The following ERC2 variants were observed in gnomAD, a reference collection of about 807,000 sequenced individuals.
ERC2 encodes the protein ELKS/RAB6-interacting/CAST family member 2.
Under a neutral mutation model 114.8 loss-of-function variants are expected in ERC2, and 42 were observed. The ratio of observed to expected loss-of-function variants is 0.37; its 90% CI spans 0.29 to 0.47. The LOEUF is 0.47. Ranked by LOEUF, ERC2 falls within the 20% of genes least tolerant of loss-of-function variation. The pLI is 0.99. For synonymous variants in ERC2, 454 were observed against 425.5 expected (o/e 1.07, Z -0.82); for missense variants, 939 against 1,150.7 (o/e 0.82, Z 2.66).
At chr3:55,821,119 C>A (rs564885732) in intron 14 of ERC2, among the ~76,000 whole-genome samples, 2 of 152,168 alleles carry the variant, frequency 1.3e-5, no homozygotes, top group Admixed American at 6.5e-5. Context: ...AAAATGAATC[C>A]TTTTATGAGG....
chr3:55,709,278 G>C (rs2063649601), intron 15 of ERC2, among the ~76,000 whole-genome samples: 1 of 152,178 alleles, frequency 6.6e-6, no homozygotes, highest in Non-Finnish European at 1.5e-5. Flanking sequence ...GCTATGAAGA[G>C]AGGGGTTCAC....
At chr3:56,190,533 C>G (rs1473968070) in intron 3 of ERC2, among the ~76,000 whole-genome samples, 1 of 152,174 alleles carries the variant, frequency 6.6e-6, no homozygotes, top group African/African-American at 2.4e-5. Flanking sequence ...TCCCTGAGCT[C>G]AAGCGATCCC....
At chr3:56,185,998 G>A (rs2083577174) in intron 3 of ERC2, among the ~76,000 whole-genome samples, 1 of 151,934 alleles carries the variant, frequency 6.6e-6, no homozygotes, top group Admixed American at 6.6e-5. Flanking sequence ...TAAGGGCTCA[G>A]GGTGGCCCCC....
At chr3:56,363,439 T>C (rs1364620479) in intron 2 of ERC2, among the ~76,000 whole-genome samples, 1 of 152,150 alleles carries the variant, frequency 6.6e-6, no homozygotes, top group Non-Finnish European at 1.5e-5. Flanking sequence ...TTATCCAAAG[T>C]AGCTCGAAAT....
chr3:55,553,547 G>A (rs969227900), intron 17 of ERC2, among the ~76,000 whole-genome samples: 9 of 152,092 alleles, frequency 5.9e-5, no homozygotes, highest in South Asian at 2.1e-4. Context: ...TTGGGAGGCC[G>A]AGGCGGGCAG....
intron 2 of ERC2, among the ~76,000 whole-genome samples, chr3:56,327,025 A>G (rs2057393069): frequency 6.6e-6 from 1 of 152,194 alleles, no homozygotes; most frequent in Admixed American, 6.5e-5. Context: ...GAGGCCAAGA[A>G]GCCTACAAAG....
intron 14 of ERC2, among the ~76,000 whole-genome samples, chr3:55,752,268 A>C (rs2066751071): frequency 6.6e-6 from 1 of 152,196 alleles, no homozygotes; most frequent in Non-Finnish European, 1.5e-5. Flanking sequence ...GCAGCTCTCT[A>C]ATGATCTTAC....
At chr3:55,834,256 G>A (rs1338446001) in intron 14 of ERC2, among the ~76,000 whole-genome samples, 4 of 152,052 alleles carry the variant, frequency 2.6e-5, no homozygotes, top group African/African-American at 4.8e-5. Context: ...TGCACCAAGT[G>A]GACCTAATAG....
At chr3:56,145,477 T>C (rs2081087530) in intron 5 of ERC2, among the ~76,000 whole-genome samples, 1 of 152,198 alleles carries the variant, frequency 6.6e-6, no homozygotes, top group Non-Finnish European at 1.5e-5. Context: ...CTCCTGAAAG[T>C]AATTCATGCT....
At chr3:56,375,336 G>T (rs543733087) in intron 2 of ERC2, among the ~76,000 whole-genome samples, 1 of 152,320 alleles carries the variant, frequency 6.6e-6, no homozygotes, top group East Asian at 1.9e-4. Context: ...AGAGAGTCAA[G>T]AACCAAATCT....
Position 56,464,933 on chromosome 3 carries a change from G to C in ERC2, c.-141+3315C>G, listed in dbSNP as rs539697609. ...TGTCCTAGTAAAACAAGCAAATGCA[G>C]ATTGTACAAAAGTCAACCTAACCAA... On this transcript the variant is annotated intron_variant, in intron 1 of 17. Coordinates refer to ENST00000288221, the MANE Select transcript of ERC2 (RefSeq NM_015576.3). 7.2e-5 allele frequency among the ~76,000 whole-genome samples: 11 copies of C among 151,820 alleles called. No homozygotes were observed. In the South Asian group the frequency reaches 1.7e-3, roughly 23 times the overall value.
intron 2 of ERC2, among the ~76,000 whole-genome samples, chr3:56,365,439 GACA>G (rs1489586749): frequency 2.6e-5 from 4 of 152,158 alleles, no homozygotes; most frequent in Non-Finnish European, 5.9e-5. Flanking sequence ...AAGTACACTC[GACA>G]ACGTTTGCAC....
At chr3:55,673,035 TTTCCCTGTGTCCC>T (rs1162735697) in intron 17 of ERC2, among the ~76,000 whole-genome samples, 1 of 152,208 alleles carries the variant, frequency 6.6e-6, no homozygotes, top group Non-Finnish European at 1.5e-5. Context: ...ATATATTAGA[TTTCCCTGTGTCCC>T]AAGCCTGTTA....
chr3:55,553,657 G>A (rs988421527), intron 17 of ERC2, among the ~76,000 whole-genome samples: 1 of 152,048 alleles, frequency 6.6e-6, no homozygotes, highest in Non-Finnish European at 1.5e-5. Context: ...GCGGGCACCG[G>A]TAGTCCCAGC....
chr3:56,045,651 A>G (rs956619800), intron 7 of ERC2, among the ~76,000 whole-genome samples: 1 of 152,206 alleles, frequency 6.6e-6, no homozygotes, highest in Non-Finnish European at 1.5e-5. Flanking sequence ...TATTTTGGAA[A>G]CTAAACATGA....
intron 7 of ERC2, among the ~76,000 whole-genome samples, chr3:56,071,685 T>C (rs970869020): frequency 1.3e-5 from 2 of 152,196 alleles, no homozygotes; most frequent in African/African-American, 4.8e-5. Context: ...TTCCTAGCTT[T>C]GGTTCCTTTG....
chr3:55,726,782 C>T (rs2064951077), intron 15 of ERC2, among the ~76,000 whole-genome samples: 1 of 152,160 alleles, frequency 6.6e-6, no homozygotes, highest in Non-Finnish European at 1.5e-5. Flanking sequence ...CACAGAGAAC[C>T]AGGGGACTAG....
intron 17 of ERC2, among the ~76,000 whole-genome samples, chr3:55,583,536 CCT>C (rs2057419468): frequency 1.8e-5 from 1 of 56,960 alleles, no homozygotes; most frequent in Non-Finnish European, 3.6e-5. Flanking sequence ...TTCCTTCCTT[CCT>C]TCCTTTCTTC....
At chr3:56,459,377 G>A (rs1443380670) in intron 1 of ERC2, among the ~76,000 whole-genome samples, 1 of 152,186 alleles carries the variant, frequency 6.6e-6, no homozygotes, top group Non-Finnish European at 1.5e-5. Flanking sequence ...CCACTAAGAA[G>A]TTGCCTTGAA....
Sources: gnomAD v4.1 joint callset for allele counts (sites outside exome capture counted in the v4.1 genomes callset) on GRCh38, gnomAD v4.1.1 for gene constraint, MANE v1.5 for transcripts, NCBI Gene and HGNC (gene_info 2026-07-23, HGNC 2026-07-21) for gene names.